RHBDL3: variants seen among roughly 807,000 people sequenced by gnomAD.
The protein encoded by RHBDL3 is rhomboid-related protein 3.
In RHBDL3, 28 loss-of-function variants were observed where a neutral mutation model predicts 48.2. That is an observed-to-expected ratio of 0.58 (90% CI 0.43 to 0.80). RHBDL3 has a LOEUF of 0.80. Ranked by LOEUF, RHBDL3 falls within the 30% of genes least tolerant of loss-of-function variation. The probability of loss-of-function intolerance (pLI) is 0.00; values close to 1 mark genes in which losing one functional copy is unlikely to be tolerated. For missense variants in RHBDL3, 464 were observed against 542.7 expected (o/e 0.85, Z 1.44); for synonymous variants, 208 against 232.3 (o/e 0.90, Z 0.95).
intron 3 of RHBDL3, 138 bp downstream of exon 3, chr17:32,284,955 G>A (rs1037375055): frequency 4.0e-6 from 3 of 745,144 alleles, no homozygotes; most frequent in South Asian, 1.8e-5. Context: ...AGGTGAAAGG[G>A]TGCCACCAAG....
At chr17:32,294,865 G>A (rs2040413557) in intron 5 of RHBDL3, among the ~76,000 whole-genome samples, 1 of 152,118 alleles carries the variant, frequency 6.6e-6, no homozygotes, top group East Asian at 1.9e-4. Context: ...TATAGAGAGG[G>A]TCTTCTTGAG....
At chr17:32,298,695 C>T (rs886745470) in intron 6 of RHBDL3, among the ~76,000 whole-genome samples, 4 of 152,232 alleles carry the variant, frequency 2.6e-5, no homozygotes, top group African/African-American at 7.2e-5. Context: ...ACCCTGGCCA[C>T]GTAGCACCTG....
intron 7 of RHBDL3, among the ~76,000 whole-genome samples, chr17:32,306,234 C>T (rs1166631807): frequency 1.3e-5 from 2 of 151,642 alleles, no homozygotes; most frequent in African/African-American, 4.8e-5. Context: ...CCATCCTGGC[C>T]AACATGGTGA....
intron 2 of RHBDL3, among the ~76,000 whole-genome samples, chr17:32,278,422 G>A (rs559546074): frequency 1.9e-4 from 29 of 152,332 alleles, no homozygotes; most frequent in South Asian, 6.2e-4. Flanking sequence ...TGTCTTGACC[G>A]CGAACTCACT....
At chr17:32,309,045 G>A (rs2040775575) in intron 7 of RHBDL3, among the ~76,000 whole-genome samples, 1 of 104,566 alleles carries the variant, frequency 9.6e-6, no homozygotes, top group Admixed American at 8.9e-5. Context: ...TAGCCTGGGT[G>A]ACAGAGAGAG....
chr17:32,284,691 A>C lies in RHBDL3; in HGVS notation c.168A>C (p.Thr56=). Reference sequence around the variant, plus strand: ...CTGGGAACACAGGCTACATTAGCACAGGCAAGTTCCGGAGTCTTCTGGAGA... The same window carrying C: ...CTGGGAACACAGGCTACATTAGCACCGGCAAGTTCCGGAGTCTTCTGGAGA... The part of the protein sequence containing the change: ...FDPGNTGYIS[T]GKFRSLLESH... Residue 56 remains threonine (T), a synonymous_variant, in exon 3 of 9, where the codon ACA becomes ACC. Transcript: ENST00000269051. 1 of 1,614,198 alleles carries C rather than the reference A, an allele frequency of 6.2e-7. No individual in the cohort carries two copies. Among genetic ancestry groups the C allele is most frequent in the Non-Finnish European group, 8.5e-7 (1 of 1,180,016 alleles).
Position 32,266,209 on chromosome 17 carries a change from C to A in RHBDL3, c.20C>A (p.Pro7Gln), listed in dbSNP as rs1182888837. Residue 7 changes from proline (P) to glutamine (Q), a missense_variant, in exon 1 of 9, where the codon CCG (proline) becomes CAG (glutamine). Coordinates refer to ENST00000269051, the MANE Select transcript of RHBDL3 (RefSeq NM_138328.3). ...TCGGCCATGGGCGAGCACCCCAGCC[C>A]GGGCCCCGCGGTGGCCGCCTGCGCC... MGEHPSPGPAVAACAEA... is the reference protein window; with the variant it reads MGEHPSQGPAVAACAEA... 5.0e-6 allele frequency: 7 copies of A among 1,398,130 alleles called. No individual in the cohort carries two copies. The South Asian group carries it at 1.1e-4, about 21-fold the overall frequency. 86.6% of individuals were successfully genotyped at this position (1,398,130 alleles called of 1,614,324 possible).
At chr17:32,291,771 C>CTT (rs36113178) in intron 4 of RHBDL3, among the ~76,000 whole-genome samples, 22 of 131,248 alleles carry the variant, frequency 1.7e-4, no homozygotes, top group Non-Finnish European at 2.6e-4. Flanking sequence ...TGAGATATTC[C>CTT]TTTTTTTTTT....
intron 8 of RHBDL3, among the ~76,000 whole-genome samples, chr17:32,318,777 A>T (rs985447428): frequency 3.3e-5 from 5 of 152,108 alleles, no homozygotes; most frequent in Non-Finnish European, 7.4e-5. Context: ...CAAACCTGGG[A>T]TGGAGGGTCA....
rs548472581 is a variant in RHBDL3 at position 32,274,850 on chromosome 17, GTGTT to G, written c.135+6929_135+6932del. ...TGCATGTGTGTGTATGCATGCATGT[GTGTT>G]TGTGTGTGCAAGAGTGTGCATGTGT... On this transcript the variant is annotated intron_variant, in intron 2 of 8. Transcript: ENST00000269051. Among the ~76,000 whole-genome samples, 40 of 152,182 alleles carry G rather than the reference GTGTT, an allele frequency of 2.6e-4. No individual in the cohort carries two copies. In the South Asian group the frequency reaches 3.9e-3, roughly 15 times the overall value.
chr17:32,295,401 AGAG>A (rs1326082726), intron 5 of RHBDL3, among the ~76,000 whole-genome samples: 1 of 152,212 alleles, frequency 6.6e-6, no homozygotes, highest in Non-Finnish European at 1.5e-5. Flanking sequence ...CTCAGGCCAA[AGAG>A]GACCATTGGT....
chr17:32,269,640 C>T (rs950439884), intron 2 of RHBDL3, among the ~76,000 whole-genome samples: 3 of 152,298 alleles, frequency 2.0e-5, no homozygotes, highest in African/African-American at 7.2e-5. Context: ...GGCCTGATGC[C>T]CCAAGGCAGG....
intron 8 of RHBDL3, among the ~76,000 whole-genome samples, chr17:32,319,650 C>A (rs2041068642): frequency 6.6e-6 from 1 of 152,146 alleles, no homozygotes; most frequent in African/African-American, 2.4e-5. Flanking sequence ...TTGCAGGGCT[C>A]AGCCCAGAAG....
chr17:32,271,174 CT>C, intron 2 of RHBDL3, among the ~76,000 whole-genome samples: 1 of 152,320 alleles, frequency 6.6e-6, no homozygotes, highest in Admixed American at 6.5e-5. Flanking sequence ...TAAATATGCC[CT>C]TTTATTTCCT....
Position 32,310,745 on chromosome 17 carries a change from G to A in RHBDL3, c.882+5304G>A, listed in dbSNP as rs145910170. 6.9e-3 allele frequency among the ~76,000 whole-genome samples: 1,046 copies of A among 151,696 alleles called. 10 individuals are homozygous for A. Among genetic ancestry groups the A allele is most frequent in the Non-Finnish European group, 6.4e-3 (435 of 67,844 alleles). On this transcript the variant is annotated intron_variant, in intron 7 of 8. Transcript: ENST00000269051. ...TATATATATAAAAAATTAGCCAGGC[G>A]TGGTGGCGGGCACCTGTGGTCCCAG... is the stretch of plus-strand genomic sequence containing the variant.
intron 6 of RHBDL3, among the ~76,000 whole-genome samples, chr17:32,299,479 C>T (rs1315615546): frequency 6.6e-6 from 1 of 152,230 alleles, no homozygotes; most frequent in Admixed American, 6.5e-5. Context: ...ACTTGTTCAG[C>T]CACCCACACA....
Position 32,298,084 on chromosome 17 carries a change from T to A in RHBDL3, c.669-8T>A, listed in dbSNP as rs750241291. 6.3e-7 allele frequency: 1 copy of A among 1,580,832 alleles called. No individual in the cohort carries two copies. The highest frequency in any genetic ancestry group is 8.7e-7 in the Non-Finnish European group (1 of 1,150,612). ...GATGAATGAGTGAGTGTGGTCTCTC[T>A]GTCACAGGATAGAACACCTGGGACT... On this transcript the variant is annotated splice_polypyrimidine_tract_variant and splice_region_variant and intron_variant, in intron 5 of 8. Coordinates refer to ENST00000269051, the MANE Select transcript of RHBDL3 (RefSeq NM_138328.3).
At chr17:32,284,001 C>G (rs558607237) in intron 2 of RHBDL3, among the ~76,000 whole-genome samples, 1 of 152,210 alleles carries the variant, frequency 6.6e-6, no homozygotes, top group Non-Finnish European at 1.5e-5. Context: ...GAGGGACCCA[C>G]GTGGTGCAAA....
At chr17:32,290,508 C>T (rs193064938) in intron 4 of RHBDL3, among the ~76,000 whole-genome samples, 4 of 152,118 alleles carry the variant, frequency 2.6e-5, no homozygotes. Flanking sequence ...AGCCCTGGGG[C>T]TACAATGCCC....
Sources: allele counts gnomAD v4.1 joint callset (sites outside exome capture counted in the v4.1 genomes callset), GRCh38; gene constraint gnomAD v4.1.1; transcripts MANE v1.5; gene names NCBI Gene and HGNC (gene_info 2026-07-23, HGNC 2026-07-21).